Variants in KAZN observed in about 807,000 individuals in gnomAD.
KAZN encodes kazrin.
KAZN carries 40 observed loss-of-function variants against 87.4 expected under a neutral mutation model. The ratio of observed to expected loss-of-function variants is 0.46; its 90% CI spans 0.36 to 0.60. KAZN has a LOEUF of 0.60. KAZN is among the 20% of genes least tolerant of loss of function. The probability of loss-of-function intolerance (pLI) is 0.00; values close to 1 mark genes in which losing one functional copy is unlikely to be tolerated. For missense variants in KAZN, 898 were observed against 1,073.9 expected (o/e 0.84, Z 2.29); for synonymous variants, 466 against 458.3 (o/e 1.02, Z -0.22).
chr1:14,478,003 G>A (rs146225871), intron 2 of KAZN, among the ~76,000 whole-genome samples: 63 of 152,270 alleles, frequency 4.1e-4, no homozygotes, highest in African/African-American at 1.5e-3. Flanking sequence ...ACAGCTCACC[G>A]CTAGGTGAAA....
rs565834451 is a variant in KAZN at position 14,965,104 on chromosome 1, T to G, written c.418+4229T>G. On this transcript the variant is annotated intron_variant, in intron 2 of 14. Transcript: ENST00000376030. ...TGGAGTACACTGGTGCAATCTCAGC[T>G]CACTGCAACCTCTGCCTCCCGGGCT... Among the ~76,000 whole-genome samples, 10 of 151,868 alleles carry G rather than the reference T, an allele frequency of 6.6e-5. No individual in the cohort carries two copies. In the South Asian group the frequency reaches 2.1e-3, roughly 32 times the overall value.
intron 1 of KAZN, among the ~76,000 whole-genome samples, chr1:14,951,252 C>T (rs1662446969): frequency 6.6e-6 from 1 of 150,376 alleles, no homozygotes; most frequent in South Asian, 2.1e-4. Flanking sequence ...GACTCCCATC[C>T]CCTCTGCCCT....
chr1:14,212,532 T>C (rs2100458064), intron 2 of KAZN, among the ~76,000 whole-genome samples: 1 of 152,040 alleles, frequency 6.6e-6, no homozygotes, highest in Admixed American at 6.5e-5. Flanking sequence ...TTGTTTTTAA[T>C]TAAGACCTAA....
rs144879667 is a variant in KAZN at position 15,030,393 on chromosome 1, G to C, written c.419-4356G>C. ...AGCGATTCTTGTGCCTCAGCCTCTG[G>C]AGTAGCTGAGACTACAGGCACACGC... On this transcript the variant is annotated intron_variant, in intron 2 of 14. Coordinates refer to ENST00000376030, the MANE Select transcript of KAZN (RefSeq NM_201628.3). Among the ~76,000 whole-genome samples the C allele has an allele frequency of 4.9e-3, 753 of 152,146 alleles. 13 individuals are homozygous for C. Among genetic ancestry groups the C allele is most frequent in the African/African-American group, 0.017 (695 of 41,504 alleles).
At chr1:15,100,095 T>G (rs11580483) in intron 10 of KAZN, among the ~76,000 whole-genome samples, 1 of 151,982 alleles carries the variant, frequency 6.6e-6, no homozygotes, top group African/African-American at 2.4e-5. Flanking sequence ...GCTCAGAGCT[T>G]AGCTGCTCAG....
chr1:13,984,779 A>T (rs1323497469), intron 1 of KAZN, among the ~76,000 whole-genome samples: 1 of 152,220 alleles, frequency 6.6e-6, no homozygotes, highest in Non-Finnish European at 1.5e-5. Flanking sequence ...TTTTGGTAAG[A>T]GGTTCACTGA....
chr1:14,325,952 C>T (rs1372578851), intron 2 of KAZN, among the ~76,000 whole-genome samples: 2 of 150,928 alleles, frequency 1.3e-5, no homozygotes, highest in African/African-American at 2.4e-5. Context: ...CCTGGGATTC[C>T]AATCCAGAGG....
Position 15,077,465 on chromosome 1 carries a change from G to A in KAZN, c.1222+11712G>A, listed in dbSNP as rs1639809290. Among the ~76,000 whole-genome samples, 1 of 152,180 alleles carries A rather than the reference G, an allele frequency of 6.6e-6. No homozygotes were observed. The highest frequency in any genetic ancestry group is 2.4e-5 in the African/African-American group (1 of 41,438). On this transcript the variant is annotated intron_variant, in intron 8 of 14. Transcript: ENST00000376030. This position sits in a 1 kb window ranked among gnomAD's most constrained non-coding sequence, Gnocchi z 4.8. ...GTGTTCCCAAGACTTAGAGTGTTTG[G>A]GGAGTGGCAGTGGAGAAGGGAAAAG...
chr1:15,084,196 T>C (rs6668887), intron 8 of KAZN, among the ~76,000 whole-genome samples: 48,932 of 152,068 alleles, frequency 0.32, 9,751 homozygotes, highest in East Asian at 0.91. Flanking sequence ...ACTGATGACA[T>C]TGGACATCTC....
chr1:14,981,392 A>G (rs1273431604), intron 2 of KAZN, among the ~76,000 whole-genome samples: 4 of 152,276 alleles, frequency 2.6e-5, no homozygotes, highest in African/African-American at 9.6e-5. Flanking sequence ...AGGTATTAAC[A>G]GAACTCCCAC....
intron 2 of KAZN, among the ~76,000 whole-genome samples, chr1:14,209,940 T>G (rs780496362): frequency 6.6e-6 from 1 of 152,146 alleles, no homozygotes; most frequent in Non-Finnish European, 1.5e-5. Flanking sequence ...TGACTGATCC[T>G]TGGGTTTTAT....
intron 1 of KAZN, among the ~76,000 whole-genome samples, chr1:14,620,061 G>A (rs1678571189): frequency 6.6e-6 from 1 of 152,152 alleles, no homozygotes; most frequent in Admixed American, 6.5e-5. Context: ...GCCCCTGCTA[G>A]GTTAACAGTT....
At chr1:14,638,288 G>A (rs1680149719) in intron 1 of KAZN, among the ~76,000 whole-genome samples, 2 of 152,184 alleles carry the variant, frequency 1.3e-5, no homozygotes, top group South Asian at 4.1e-4. Flanking sequence ...AACTGGGGTG[G>A]TGGGGCGTGG....
intron 1 of KAZN, among the ~76,000 whole-genome samples, chr1:14,162,547 C>A (rs1001188564): frequency 7.2e-6 from 1 of 138,814 alleles, no homozygotes. Context: ...TTTCTTTTTT[C>A]TTTTTTTTTT....
chr1:15,044,270 G>GGGGGGGGGGGCC, intron 4 of KAZN, 111 bp downstream of exon 4: 2 of 413,324 alleles, frequency 4.8e-6, no homozygotes, highest in Admixed American at 4.0e-5. Flanking sequence ...GGTGGGTGGG[G>GGGGGGGGGGGCC]CAGAGCAGAA....
At chr1:14,753,384 G>A (rs557537052) in intron 1 of KAZN, among the ~76,000 whole-genome samples, 1 of 152,100 alleles carries the variant, frequency 6.6e-6, no homozygotes, top group African/African-American at 2.4e-5. Context: ...GTTTTATCTG[G>A]GGAGGATGCT....
At chr1:14,466,689 C>T (rs1343173903) in intron 2 of KAZN, among the ~76,000 whole-genome samples, 2 of 151,440 alleles carry the variant, frequency 1.3e-5, no homozygotes, top group Non-Finnish European at 2.9e-5. Flanking sequence ...GAAGAAACGG[C>T]CAGGCGCGGT....
chr1:14,990,783 C>G (rs1667274004), intron 2 of KAZN, among the ~76,000 whole-genome samples: 1 of 151,728 alleles, frequency 6.6e-6, no homozygotes, highest in African/African-American at 2.4e-5. Flanking sequence ...ATGTTGAAGT[C>G]CTAACCCCCA....
chr1:14,497,061 A>G (rs1417912749), intron 2 of KAZN, among the ~76,000 whole-genome samples: 3 of 152,128 alleles, frequency 2.0e-5, no homozygotes, highest in African/African-American at 4.8e-5. Context: ...CCAAGATTCA[A>G]TCTACTGGTA....
Sources: gnomAD v4.1 joint callset for allele counts (sites outside exome capture counted in the v4.1 genomes callset) on GRCh38, gnomAD v4.1.1 for gene constraint, Gnocchi (gnomAD v3.1) non-coding constraint, MANE v1.5 for transcripts, NCBI Gene and HGNC (gene_info 2026-07-23, HGNC 2026-07-21) for gene names.